Variants in NIPBL observed in about 807,000 individuals in gnomAD.
The protein encoded by NIPBL is NIPBL cohesin loading factor.
Under a neutral mutation model 321.8 loss-of-function variants are expected in NIPBL, and 19 were observed. The observed-to-expected ratio is 0.06, with a 90% CI of 0.04 to 0.09. The LOEUF (loss-of-function observed/expected upper bound fraction) is 0.09, where lower values mean the gene tolerates loss of function less well. NIPBL is among the 10% of genes least tolerant of loss of function. NIPBL has a pLI of 1.00. For synonymous variants in NIPBL, 1,106 were observed against 1,114.1 expected (o/e 0.99, Z 0.14); for missense variants, 2,210 against 3,327.0 (o/e 0.66, Z 8.26).
At chr5:37,051,325 C>T (rs1198603772) in intron 40 of NIPBL, 1 of 182,722 alleles carries the variant, frequency 5.5e-6, no homozygotes, top group Non-Finnish European at 1.1e-5. Flanking sequence ...ACTCTCTGTT[C>T]CTCAAAGCCA....
intron 45 of NIPBL, among the ~76,000 whole-genome samples, chr5:37,061,365 T>C (rs906950463): frequency 6.6e-6 from 1 of 152,124 alleles, no homozygotes. Flanking sequence ...TCCTCCGATA[T>C]TCAAGGGCCT....
Position 37,060,970 on chromosome 5 carries a change from C to G in NIPBL, c.7812C>G (p.Ser2604=). ...LDFLRSDMAN[S]KITEEVKRSI... ...TCCTGCGGAGTGACATGGCTAATTC[C>G]AAAATCACAGAAGAGGTGAAAAGGA... The change falls in exon 45 of 47, where the codon TCC becomes TCG. Residue 2604 remains serine (S), a synonymous_variant. Coordinates refer to ENST00000282516, the MANE Select transcript of NIPBL (RefSeq NM_133433.4). 1.9e-6 allele frequency: 3 copies of G among 1,614,004 alleles called. No individual in the cohort carries two copies. Among genetic ancestry groups the G allele is most frequent in the Non-Finnish European group, 2.5e-6 (3 of 1,179,992 alleles).
intron 9 of NIPBL, among the ~76,000 whole-genome samples, chr5:36,979,078 G>A (rs1019727244): frequency 1.5e-4 from 23 of 151,626 alleles, no homozygotes; most frequent in Non-Finnish European, 2.7e-4. Context: ...CAGGTTCTTT[G>A]TTGGTTTTAT....
At chr5:36,952,603 A>G (rs943932567) in intron 1 of NIPBL, among the ~76,000 whole-genome samples, 1 of 152,208 alleles carries the variant, frequency 6.6e-6, no homozygotes, top group Non-Finnish European at 1.5e-5. Flanking sequence ...CAGAATAACA[A>G]AGTGTTCAGT....
At chr5:37,032,427 GTGTGTGTGTGTA>G (rs1751160527) in intron 32 of NIPBL, among the ~76,000 whole-genome samples, 1 of 147,608 alleles carries the variant, frequency 6.8e-6, no homozygotes, top group African/African-American at 2.6e-5. Context: ...GTGTGTGTGT[GTGTGTGTGTGTA>G]GTGTGTGTGT....
chr5:36,959,751 TAG>T (rs1741394282), intron 4 of NIPBL, among the ~76,000 whole-genome samples: 1 of 152,258 alleles, frequency 6.6e-6, no homozygotes, highest in Non-Finnish European at 1.5e-5. Context: ...TAAAAACTTT[TAG>T]AGTGTTCACC....
chr5:36,992,745 TATTTATTTA>T, intron 10 of NIPBL, among the ~76,000 whole-genome samples: 1 of 150,424 alleles, frequency 6.6e-6, no homozygotes, highest in Middle Eastern at 3.4e-3. Context: ...TTTATTTATT[TATTTATTTA>T]TTTATTGAGA....
At position 36,985,763 on chromosome 5, in the gene NIPBL, A is replaced by G; in HGVS notation, c.2583A>G (p.Ser861=). 6.2e-7 allele frequency: 1 copy of G among 1,613,842 alleles called. No homozygotes were observed. Among genetic ancestry groups the G allele is most frequent in the East Asian group, 2.2e-5 (1 of 44,840 alleles). ...AACATGGCATTAAATCTGATAGTTCAAAAACTGATAAACTAGAACGAAAAC... is the reference window on the plus strand; with the variant it reads ...AACATGGCATTAAATCTGATAGTTCGAAAACTGATAAACTAGAACGAAAAC... ...RNEHGIKSDS[S]KTDKLERKHR... The change falls in exon 10 of 47, where the codon TCA becomes TCG. Residue 861 remains serine (S), a synonymous_variant. Coordinates refer to ENST00000282516, the MANE Select transcript of NIPBL (RefSeq NM_133433.4).
At chr5:36,952,047 T>TGTGTGTGTGA (rs1740374484) in intron 1 of NIPBL, among the ~76,000 whole-genome samples, 1 of 115,986 alleles carries the variant, frequency 8.6e-6, no homozygotes, top group Admixed American at 1.0e-4. Context: ...TGTGTGTGTG[T>TGTGTGTGTGA]GTGTGTGCGC....
At chr5:37,032,917 G>C (rs1751234257) in intron 32 of NIPBL, among the ~76,000 whole-genome samples, 1 of 152,144 alleles carries the variant, frequency 6.6e-6, no homozygotes, top group African/African-American at 2.4e-5. Flanking sequence ...GTATCACTGA[G>C]AATGTTGGTA....
chr5:37,049,447 A>C, intron 40 of NIPBL, 146 bp downstream of exon 40: 1 of 883,396 alleles, frequency 1.1e-6, no homozygotes, highest in Non-Finnish European at 1.8e-6. Flanking sequence ...GTTTTAGATA[A>C]TCTCTTGGGT....
intron 21 of NIPBL, among the ~76,000 whole-genome samples, chr5:37,013,163 CGGGGGGCTGA>C (rs1748408324): frequency 7.1e-6 from 1 of 140,478 alleles, no homozygotes; most frequent in Admixed American, 7.0e-5. Flanking sequence ...GCTGGCCAGG[CGGGGGGCTGA>C]CCCCCCCACC....
chr5:36,988,928 G>A (rs1348793531), intron 10 of NIPBL, among the ~76,000 whole-genome samples: 2 of 152,100 alleles, frequency 1.3e-5, no homozygotes, highest in Non-Finnish European at 2.9e-5. Flanking sequence ...TCTTTTGTAT[G>A]AGCATGATAA....
intron 1 of NIPBL, among the ~76,000 whole-genome samples, chr5:36,946,599 T>TAC: frequency 6.6e-6 from 1 of 151,986 alleles, no homozygotes; most frequent in Non-Finnish European, 1.5e-5. Context: ...TGTATATATA[T>TAC]ACACACACAT....
rs1750257255 is a variant in NIPBL at position 37,026,294 on chromosome 5, A to G, written c.5775A>G (p.Ala1925=). The G allele has an allele frequency of 1.2e-6, 2 of 1,611,464 alleles. No homozygotes were observed. Among genetic ancestry groups the G allele is most frequent in the East Asian group, 4.5e-5 (2 of 44,812 alleles). ...CAACTCCACACAATGACAAAGAAGC[A>G]ATGACAAGGAAAATTTTAAACATTA... ...FTPTPHNDKE[A]MTRKILNITD... The change falls in exon 31 of 47, where the codon GCA becomes GCG. Residue 1925 remains alanine, a synonymous_variant. Transcript: ENST00000282516.
chr5:37,001,151 C>T (rs920002448), intron 14 of NIPBL, 73 bp downstream of exon 14: 3 of 990,222 alleles, frequency 3.0e-6, no homozygotes, highest in Non-Finnish European at 4.9e-6. Flanking sequence ...AACTCAGTTA[C>T]TCTAGTGATG....
intron 18 of NIPBL, 87 bp downstream of exon 18, chr5:37,007,561 C>A: frequency 1.1e-6 from 1 of 883,828 alleles, no homozygotes; most frequent in Non-Finnish European, 1.8e-6. Flanking sequence ...ATAAGACCAG[C>A]ACTATATTAT....
At chr5:37,038,180 C>G (rs868162400) in intron 33 of NIPBL, among the ~76,000 whole-genome samples, 2 of 151,848 alleles carry the variant, frequency 1.3e-5, no homozygotes, top group South Asian at 2.1e-4. Context: ...TGTAGAGATG[C>G]AGTTTTTGCG....
At chr5:37,042,685 A>C (rs535263065) in intron 34 of NIPBL, among the ~76,000 whole-genome samples, 1 of 151,620 alleles carries the variant, frequency 6.6e-6, no homozygotes, top group East Asian at 2.0e-4. Context: ...CATATTCCCG[A>C]CATGCTGGTG....
Sources: allele counts gnomAD v4.1 joint callset (sites outside exome capture counted in the v4.1 genomes callset), GRCh38; gene constraint gnomAD v4.1.1; transcripts MANE v1.5; gene names NCBI Gene and HGNC (gene_info 2026-07-23, HGNC 2026-07-21).